The following DST variants were observed in gnomAD, a reference collection of about 807,000 sequenced individuals.
The protein encoded by DST is dystonin.
DST carries 253 observed loss-of-function variants against 875.2 expected under a neutral mutation model. That is an observed-to-expected ratio of 0.29 (90% CI 0.26 to 0.32). The LOEUF is 0.32. DST is among the 10% of genes least tolerant of loss of function. The pLI is 1.00. For missense variants in DST, 8,287 were observed against 9,111.6 expected (o/e 0.91, Z 3.68); for synonymous variants, 3,124 against 3,197.1 (o/e 0.98, Z 0.77).
intron 101 of DST, 148 bp from the exon 102 acceptor site, chr6:56,463,304 C>A: frequency 1.6e-6 from 1 of 621,456 alleles, no homozygotes; most frequent in Non-Finnish European, 2.7e-6. Flanking sequence ...AAATCATACA[C>A]ACCAAAAAAA....
rs1562306218 is a variant in DST, at chr6:56,487,137, T to C, written c.21014A>G (p.Lys7005Arg). Residue 7005 changes from lysine to arginine, a missense_variant, in exon 87 of 104, where the codon AAA becomes AGA. By Grantham distance (26) the Lys-to-Arg change is conservative. Around this residue, in one of 10 missense-constraint regions of DST, gnomAD observed 1,292 missense variants for 1,552.7 expected, o/e 0.83. Transcript: ENST00000680361. ...AGATTTTCCACATATGGTATCCCAT[T>C]TGTCTCTGAGTTCACTCAGCATGTC... ...LDDMLSELRD[K>R]WDTICGKSVE... The C allele has an allele frequency of 6.2e-7, 1 of 1,613,972 alleles. No individual in the cohort carries two copies. Among genetic ancestry groups the C allele is most frequent in the South Asian group, 1.1e-5 (1 of 91,074 alleles).
At chr6:56,506,142 C>G (rs961303103) in intron 77 of DST, among the ~76,000 whole-genome samples, 1 of 152,146 alleles carries the variant, frequency 6.6e-6, no homozygotes, top group East Asian at 1.9e-4. Flanking sequence ...ATAAAAAACA[C>G]TGTGTGAGAA....
At chr6:56,830,781 G>T (rs1267492327) in intron 4 of DST, among the ~76,000 whole-genome samples, 1 of 152,204 alleles carries the variant, frequency 6.6e-6, no homozygotes, top group Admixed American at 6.5e-5. Context: ...ACTATGGACT[G>T]TAATTCCAGA....
Position 56,954,500 on chromosome 6 carries a change from C to T in DST, c.88G>A (p.Ala30Thr). Residue 30 changes from alanine (A) to threonine (T), a missense_variant, in exon 1 of 104, where the codon GCC becomes ACC. Transcript: ENST00000680361. ...CAGCAGCAGAAGAAGACGATGGTGGCGATGGTGCCCAGCAGAAGCAACAAG... is the reference window on the plus strand; with the variant it reads ...CAGCAGCAGAAGAAGACGATGGTGGTGATGGTGCCCAGCAGAAGCAACAAG... The part of the protein sequence containing the change: ...FLLLLLLGTI[A>T]TIVFFCCWHR... 7.3e-7 allele frequency: 1 copy of T among 1,367,444 alleles called. No individual in the cohort carries two copies. Among genetic ancestry groups the T allele is most frequent in the South Asian group, 1.1e-5 (1 of 87,998 alleles). 84.7% of individuals were successfully genotyped at this position (1,367,444 alleles called of 1,614,324 possible).
At chr6:56,595,301 G>A (rs1265658717) in intron 47 of DST, among the ~76,000 whole-genome samples, 1 of 151,634 alleles carries the variant, frequency 6.6e-6, no homozygotes, top group Non-Finnish European at 1.5e-5. Flanking sequence ...ATATCTGCTT[G>A]GCTAATTGCA....
At chr6:56,644,467 GT>G (rs3834859) in intron 15 of DST, among the ~76,000 whole-genome samples, 20,333 of 151,972 alleles carry the variant, frequency 0.13, 3,109 homozygotes, top group African/African-American at 0.38. Flanking sequence ...CACCTCTAAT[GT>G]TGTGTCAGGC....
intron 86 of DST, among the ~76,000 whole-genome samples, chr6:56,489,007 A>G (rs1347003735): frequency 6.6e-6 from 1 of 152,224 alleles, no homozygotes; most frequent in East Asian, 1.9e-4. Context: ...ATACGTGCAC[A>G]AACACAATAA....
chr6:56,591,851 G>A lies in DST; in HGVS notation c.12903+331C>T, dbSNP rs141580905. Among the ~76,000 whole-genome samples, 1,118 of 151,680 alleles carry A rather than the reference G, an allele frequency of 7.4e-3. 13 individuals carry two copies. The highest frequency in any genetic ancestry group is 0.025 in the African/African-American group (1,018 of 41,350). ...AGCGCCTGTAGTCCCAGCTGGTGGC[G>A]GGCGCCTGTAGTCCCAGCTACTTGG... is the stretch of plus-strand genomic sequence containing the variant. On this transcript the variant is annotated intron_variant, in intron 49 of 103. Coordinates refer to ENST00000680361, the MANE Select transcript of DST (RefSeq NM_001374736.1).
At chr6:56,718,335 C>CAAAATT (rs1184858247) in intron 5 of DST, among the ~76,000 whole-genome samples, 6 of 152,084 alleles carry the variant, frequency 3.9e-5, no homozygotes, top group East Asian at 1.9e-4. Context: ...TAGTCATTAG[C>CAAAATT]AAAATTAAAA....
Position 56,740,011 on chromosome 6 carries a change from G to A in DST, c.626-4722C>T, listed in dbSNP as rs146633033. 9.3e-3 allele frequency among the ~76,000 whole-genome samples: 1,414 copies of A among 152,136 alleles called. 26 individuals are homozygous for A. Among genetic ancestry groups the A allele is most frequent in the African/African-American group, 0.032 (1,328 of 41,518 alleles). On this transcript the variant is annotated intron_variant, in intron 4 of 103. Coordinates refer to ENST00000680361, the MANE Select transcript of DST (RefSeq NM_001374736.1). ...TGAGTAGCTGGGATCACAGGCATGC[G>A]CCAACACACCTGGCTAATGTTTGTA...
chr6:56,582,029 T>G (rs1428387042), intron 49 of DST, among the ~76,000 whole-genome samples: 1 of 152,210 alleles, frequency 6.6e-6, no homozygotes, highest in Non-Finnish European at 1.5e-5. Context: ...CTGCTTAATA[T>G]TTTTTAAAAG....
At chr6:56,486,682 C>T (rs2095580517) in intron 87 of DST, among the ~76,000 whole-genome samples, 2 of 152,092 alleles carry the variant, frequency 1.3e-5, no homozygotes, top group South Asian at 2.1e-4. Context: ...TTGCACGTCA[C>T]ATTAAGAAGC....
intron 30 of DST, 119 bp from the exon 31 acceptor site, chr6:56,630,502 A>G (rs2098769283): frequency 1.1e-6 from 1 of 901,680 alleles, no homozygotes; most frequent in African/African-American, 1.7e-5. Context: ...GAACACTGAT[A>G]CATTTACTAT....
In DST at chr6:56,603,338, G is replaced by C; in HGVS notation, c.11024C>G (p.Pro3675Arg). 1 of 1,610,994 alleles carries C rather than the reference G, an allele frequency of 6.2e-7. No homozygotes were observed. The change falls in exon 42 of 104, where the codon CCC becomes CGC. Residue 3675 changes from proline to arginine, a missense_variant. Coordinates refer to ENST00000680361, the MANE Select transcript of DST (RefSeq NM_001374736.1). ...AACATGGCCTCTGGGAAAGTCACTG[G>C]GAAGAGACTTTAAAAACTCTTCTGC... ...KLAEEFLKSLPSDFPRGHVEE... is the reference protein window; with the variant it reads ...KLAEEFLKSLRSDFPRGHVEE...
intron 4 of DST, among the ~76,000 whole-genome samples, chr6:56,827,244 G>A (rs754652197): frequency 1.2e-4 from 18 of 152,212 alleles, no homozygotes; most frequent in Non-Finnish European, 1.6e-4. Context: ...GGCCGGGCGC[G>A]GTGGCTCTCG....
At chr6:56,711,011 GT>G (rs143866885) in intron 5 of DST, among the ~76,000 whole-genome samples, 32 of 149,220 alleles carry the variant, frequency 2.1e-4, no homozygotes, top group Non-Finnish European at 3.6e-4. Flanking sequence ...ATAATAGAGA[GT>G]TTTTTTTTTA....
At position 56,459,117 on chromosome 6, in the gene DST, T is replaced by C; in HGVS notation, c.23345A>G (p.His7782Arg). The change falls in exon 104 of 104, where the codon CAC becomes CGC. Residue 7782 changes from histidine (H) to arginine (R), a missense_variant. By Grantham distance (29) the His-to-Arg change is conservative. Transcript: ENST00000680361. ...CSDVETVPQT[H>R]RPTPRAGSRP... ...AGAACCTGCTCGGGGTGTAGGTCTG[T>C]GTGTCTGGGGGACAGTTTCCACATC... is the stretch of plus-strand genomic sequence containing the variant. The C allele has an allele frequency of 6.2e-7, 1 of 1,613,364 alleles. No individual in the cohort carries two copies. The highest frequency in any genetic ancestry group is 2.2e-5 in the East Asian group (1 of 44,816).
At chr6:56,718,785 C>T (rs1053807921) in intron 5 of DST, among the ~76,000 whole-genome samples, 2 of 152,116 alleles carry the variant, frequency 1.3e-5, no homozygotes, top group East Asian at 3.8e-4. Flanking sequence ...AAATATTATG[C>T]TAACTAAAAG....
At chr6:56,871,986 T>C (rs1777416155) in intron 3 of DST, among the ~76,000 whole-genome samples, 1 of 152,182 alleles carries the variant, frequency 6.6e-6, no homozygotes, top group Admixed American at 6.5e-5. Context: ...TGCAGGTATT[T>C]TGAAAAAGAG....
Sources: gnomAD v4.1 joint callset for allele counts (sites outside exome capture counted in the v4.1 genomes callset) on GRCh38, gnomAD v4.1.1 for gene constraint, gnomAD v4.1.1 regional missense constraint, MANE v1.5 for transcripts, NCBI Gene and HGNC (gene_info 2026-07-23, HGNC 2026-07-21) for gene names.